ATP6V1C2: variants seen among roughly 807,000 people sequenced by gnomAD.
ATP6V1C2 encodes V-type proton ATPase subunit C 2.
In ATP6V1C2, 45 loss-of-function variants were observed where a neutral mutation model predicts 56.8. The ratio of observed to expected loss-of-function variants is 0.79; its 90% CI spans 0.62 to 1.02. ATP6V1C2 has a LOEUF of 1.02. Ranked by LOEUF, ATP6V1C2 falls within the 50% of genes least tolerant of loss-of-function variation. ATP6V1C2 has a pLI of 0.00. For missense variants in ATP6V1C2, 463 were observed against 519.7 expected (o/e 0.89, Z 1.06); for synonymous variants, 220 against 201.3 (o/e 1.09, Z -0.79).
rs186322227 is a variant in ATP6V1C2 at position 10,760,449 on chromosome 2, C to G, written c.284-3882C>G. ...TCTTTCCAAAGGCAGGGTGCGTGGA[C>G]AGGGAAGGGCTTGGATGCCTGACCC... On this transcript the variant is annotated intron_variant, in intron 4 of 13. Coordinates refer to ENST00000272238, the MANE Select transcript of ATP6V1C2 (RefSeq NM_001039362.2). Among the ~76,000 whole-genome samples the G allele has an allele frequency of 3.5e-3, 536 of 152,240 alleles. 5 individuals are homozygous for G. The highest frequency in any genetic ancestry group is 6.4e-3 in the Non-Finnish European group (437 of 68,000).
intron 3 of ATP6V1C2, among the ~76,000 whole-genome samples, chr2:10,744,442 T>C (rs1195027829): frequency 6.6e-6 from 1 of 152,174 alleles, no homozygotes; most frequent in African/African-American, 2.4e-5. Context: ...GCTTTCTTCC[T>C]CACGCTTATG....
At chr2:10,764,266 C>T in intron 4 of ATP6V1C2, 65 bp from the exon 5 acceptor site, 1 of 1,400,714 alleles carries the variant, frequency 7.1e-7, no homozygotes, top group Admixed American at 1.7e-5. Flanking sequence ...GCTTGGGATT[C>T]CGAAGTCTCA....
rs950838976 is a variant in ATP6V1C2 at position 10,727,143 on chromosome 2, C to T, written c.197+574C>T. ...GGAGTACAATGGTCTGATCGTGGCT[C>T]ATTGCAACCTCCGCCTCCCAGGTTC... On this transcript the variant is annotated intron_variant, in intron 3 of 13. Transcript: ENST00000272238. Among the ~76,000 whole-genome samples, 7 of 146,412 alleles carry T rather than the reference C, an allele frequency of 4.8e-5. No individual in the cohort carries two copies. The East Asian group carries it at 1.5e-3, about 32-fold the overall frequency.
intron 8 of ATP6V1C2, among the ~76,000 whole-genome samples, chr2:10,773,089 A>G (rs1213909972): frequency 1.3e-5 from 2 of 152,170 alleles, no homozygotes; most frequent in African/African-American, 4.8e-5. Context: ...CGGGTTACAG[A>G]CTGTCCATCA....
intron 3 of ATP6V1C2, among the ~76,000 whole-genome samples, chr2:10,741,104 G>C (rs1462295448): frequency 6.6e-6 from 1 of 152,112 alleles, no homozygotes; most frequent in Non-Finnish European, 1.5e-5. Flanking sequence ...ACTTTGCTGG[G>C]TGGCTCTACA....
chr2:10,733,649 C>T (rs914473677), intron 3 of ATP6V1C2, among the ~76,000 whole-genome samples: 3 of 148,930 alleles, frequency 2.0e-5, no homozygotes, highest in Admixed American at 6.7e-5. Context: ...AAAAAAAAAA[C>T]CTCTCTCCCT....
At chr2:10,726,415 A>G (rs1332565130) in intron 2 of ATP6V1C2, 87 bp from the exon 3 acceptor site, 13 of 1,029,630 alleles carry the variant, frequency 1.3e-5, no homozygotes, top group Non-Finnish European at 2.0e-5. Context: ...TTCAAGATGA[A>G]GTGACAGAGT....
intron 10 of ATP6V1C2, 71 bp downstream of exon 10, chr2:10,775,142 C>A: frequency 1.8e-6 from 2 of 1,125,838 alleles, no homozygotes; most frequent in South Asian, 1.3e-5. Context: ...CCTCCCAGGT[C>A]TCCAGCTCTC....
Position 10,772,918 on chromosome 2 carries a change from G to A in ATP6V1C2, c.638+308G>A, listed in dbSNP as rs114623664. On this transcript the variant is annotated intron_variant, in intron 8 of 13. Transcript: ENST00000272238. ...TCTGGCTCTGTGTTCTCGGCTCAGC[G>A]TCAATTCTTCCCTGCCAGAGGGGGA... is the stretch of plus-strand genomic sequence containing the variant. Among the ~76,000 whole-genome samples the A allele has an allele frequency of 5.4e-3, 829 of 152,322 alleles. 9 individuals are homozygous for A. Among genetic ancestry groups the A allele is most frequent in the African/African-American group, 0.017 (715 of 41,578 alleles).
intron 4 of ATP6V1C2, among the ~76,000 whole-genome samples, chr2:10,759,485 C>G (rs993419806): frequency 1.7e-4 from 26 of 152,160 alleles, no homozygotes; most frequent in Admixed American, 1.5e-3. Flanking sequence ...ACCATCATTG[C>G]TCAAGAGTTG....
chr2:10,732,110 C>T (rs1191162887), intron 3 of ATP6V1C2, among the ~76,000 whole-genome samples: 1 of 152,146 alleles, frequency 6.6e-6, no homozygotes, highest in Non-Finnish European at 1.5e-5. Flanking sequence ...TTCACTAAAA[C>T]CCCTTTAGCT....
chr2:10,746,156 C>T (rs1324465970), intron 3 of ATP6V1C2, among the ~76,000 whole-genome samples: 6 of 151,984 alleles, frequency 3.9e-5, no homozygotes, highest in South Asian at 2.1e-4. Context: ...TGTGCCACCA[C>T]ACCCGGCTAA....
chr2:10,763,176 T>A lies in ATP6V1C2; in HGVS notation c.284-1155T>A, dbSNP rs972095436. Among the ~76,000 whole-genome samples the A allele has an allele frequency of 6.6e-6, 1 of 151,988 alleles. No homozygotes were observed. Among genetic ancestry groups the A allele is most frequent in the Non-Finnish European group, 1.5e-5 (1 of 67,954 alleles). On this transcript the variant is annotated intron_variant, in intron 4 of 13. Transcript: ENST00000272238. The surrounding 1 kb of genome is among the most constrained non-coding windows in gnomAD (Gnocchi z 4.2). ...TTCAGCATCCGTCCACACTCCCTCT[T>A]CCCTGACTCACAGTGCCCCGAGTAC...
intron 8 of ATP6V1C2, among the ~76,000 whole-genome samples, chr2:10,773,219 C>T (rs1041794434): frequency 6.6e-6 from 1 of 152,154 alleles, no homozygotes; most frequent in Non-Finnish European, 1.5e-5. Context: ...GGGCGTGACT[C>T]GGGCACACAC....
intron 5 of ATP6V1C2, 86 bp downstream of exon 5, chr2:10,764,511 C>A: frequency 8.6e-7 from 1 of 1,158,192 alleles, no homozygotes; most frequent in Non-Finnish European, 1.3e-6. Context: ...CCAACAGCCT[C>A]AGCCTGTCCT....
At chr2:10,781,912 G>C (rs1015768468) in intron 12 of ATP6V1C2, among the ~76,000 whole-genome samples, 1 of 152,210 alleles carries the variant, frequency 6.6e-6, no homozygotes, top group Non-Finnish European at 1.5e-5. Flanking sequence ...GGCCGAGCTG[G>C]GTTTTAGACA....
intron 2 of ATP6V1C2, among the ~76,000 whole-genome samples, chr2:10,723,294 G>A (rs1371460527): frequency 3.3e-5 from 5 of 152,146 alleles, no homozygotes; most frequent in Admixed American, 6.6e-5. Flanking sequence ...GGTTCTCTTG[G>A]GTGTTCCTCT....
chr2:10,740,510 G>A (rs1262211161), intron 3 of ATP6V1C2, among the ~76,000 whole-genome samples: 3 of 152,070 alleles, frequency 2.0e-5, no homozygotes, highest in Non-Finnish European at 4.4e-5. Context: ...GCTGCTTGGT[G>A]GATTGACTTT....
At chr2:10,776,194 G>A (rs1211130016) in intron 10 of ATP6V1C2, among the ~76,000 whole-genome samples, 1 of 151,330 alleles carries the variant, frequency 6.6e-6, no homozygotes, top group Non-Finnish European at 1.5e-5. Context: ...GGAAACAACA[G>A]CTGATAATAT....
Sources: gnomAD v4.1 joint callset for allele counts (sites outside exome capture counted in the v4.1 genomes callset) on GRCh38, gnomAD v4.1.1 for gene constraint, Gnocchi (gnomAD v3.1) non-coding constraint, MANE v1.5 for transcripts, NCBI Gene and HGNC (gene_info 2026-07-23, HGNC 2026-07-21) for gene names.